The following SH3RF1 variants were observed in gnomAD, a reference collection of about 807,000 sequenced individuals.
SH3RF1 encodes SH3 domain containing ring finger 1.
In SH3RF1, 32 loss-of-function variants were observed where a neutral mutation model predicts 74.0. The ratio of observed to expected loss-of-function variants is 0.43; its 90% CI spans 0.33 to 0.58. SH3RF1 has a LOEUF of 0.58. Among genes scored for constraint, SH3RF1 ranks in the 20% least tolerant of loss-of-function variants. SH3RF1 has a pLI of 0.05. For missense variants in SH3RF1, 954 were observed against 1,130.9 expected, an observed-to-expected ratio of 0.84 and a Z score of 2.24; for synonymous variants, 396 against 439.6, an observed-to-expected ratio of 0.90 and a Z score of 1.24.
At chr4:169,174,002 T>TA (rs760354408) in intron 2 of SH3RF1, among the ~76,000 whole-genome samples, 1 of 150,526 alleles carries the variant, frequency 6.6e-6, no homozygotes, top group African/African-American at 2.4e-5. Flanking sequence ...TCCTGAGTTA[T>TA]ATATATATAT....
intron 2 of SH3RF1, among the ~76,000 whole-genome samples, chr4:169,197,851 A>C (rs550948735): frequency 7.2e-4 from 110 of 152,188 alleles, no homozygotes; most frequent in African/African-American, 2.5e-3. Flanking sequence ...ATCCCTTTAA[A>C]ATACTACTAA....
intron 2 of SH3RF1, among the ~76,000 whole-genome samples, chr4:169,216,367 T>G (rs941785155): frequency 2.0e-5 from 3 of 152,212 alleles, no homozygotes; most frequent in African/African-American, 7.2e-5. Flanking sequence ...TTATTTGTCT[T>G]CATGAGACCT....
At chr4:169,223,660 A>G (rs1456631542) in intron 2 of SH3RF1, among the ~76,000 whole-genome samples, 1 of 152,228 alleles carries the variant, frequency 6.6e-6, no homozygotes, top group African/African-American at 2.4e-5. Context: ...TCAAATATCT[A>G]AAGGAGCTTA....
intron 11 of SH3RF1, among the ~76,000 whole-genome samples, chr4:169,105,746 A>G (rs1053977320): frequency 4.6e-5 from 7 of 152,168 alleles, no homozygotes; most frequent in African/African-American, 1.7e-4. Context: ...ATTAGCTGGG[A>G]ATGGTGGCAC....
At chr4:169,140,819 G>C (rs985960497) in intron 4 of SH3RF1, among the ~76,000 whole-genome samples, 2 of 152,024 alleles carry the variant, frequency 1.3e-5, no homozygotes, top group Admixed American at 6.6e-5. Context: ...TGTAGCTTCT[G>C]AGCACTACAG....
At chr4:169,202,200 T>A (rs896409791) in intron 2 of SH3RF1, among the ~76,000 whole-genome samples, 2 of 152,158 alleles carry the variant, frequency 1.3e-5, no homozygotes, top group African/African-American at 4.8e-5. Flanking sequence ...GCCTACTTCG[T>A]GTTCTTGGTG....
intron 2 of SH3RF1, among the ~76,000 whole-genome samples, chr4:169,261,448 G>A (rs945248301): frequency 2.0e-5 from 3 of 152,172 alleles, no homozygotes; most frequent in Non-Finnish European, 4.4e-5. Context: ...TAAGTCAACT[G>A]CAGGTAAGGG....
intron 2 of SH3RF1, among the ~76,000 whole-genome samples, chr4:169,258,715 T>A (rs13107858): frequency 0.074 from 11,196 of 152,222 alleles, 565 homozygotes; most frequent in South Asian, 0.21. Flanking sequence ...CTGGATAAGG[T>A]GGGCAAATGA....
chr4:169,221,482 T>C (rs1192836183), intron 2 of SH3RF1, among the ~76,000 whole-genome samples: 1 of 152,132 alleles, frequency 6.6e-6, no homozygotes, highest in Non-Finnish European at 1.5e-5. Context: ...AAATAGTGTA[T>C]AACATAAGAT....
intron 2 of SH3RF1, among the ~76,000 whole-genome samples, chr4:169,198,691 A>G (rs1734861532): frequency 6.6e-6 from 1 of 152,172 alleles, no homozygotes; most frequent in South Asian, 2.1e-4. Context: ...GAATAAATAA[A>G]AAGAAATTAC....
chr4:169,106,042 AGT>A (rs1252326475), intron 11 of SH3RF1, among the ~76,000 whole-genome samples: 1 of 151,716 alleles, frequency 6.6e-6, no homozygotes, highest in Admixed American at 6.6e-5. Flanking sequence ...AATTAATGTT[AGT>A]GTGTATATAT....
At chr4:169,179,335 C>T (rs947447278) in intron 2 of SH3RF1, among the ~76,000 whole-genome samples, 5 of 152,166 alleles carry the variant, frequency 3.3e-5, no homozygotes, top group African/African-American at 1.2e-4. Flanking sequence ...AGTAACATAG[C>T]CCTGCCTACA....
At chr4:169,140,226 T>A (rs1733761840) in intron 4 of SH3RF1, among the ~76,000 whole-genome samples, 2 of 152,224 alleles carry the variant, frequency 1.3e-5, no homozygotes, top group Non-Finnish European at 2.9e-5. Context: ...TATAGCAACC[T>A]TTGGTAACAA....
chr4:169,120,001 C>T lies in SH3RF1; in HGVS notation c.1517+818G>A, dbSNP rs548683407. On this transcript the variant is annotated intron_variant, in intron 8 of 11. Transcript: ENST00000284637. ...AATTTTGCATATCTAAAGCTCCTGT[C>T]ACTCTATAACAGGGTTTCTCAACCT... 3.3e-5 allele frequency among the ~76,000 whole-genome samples: 5 copies of T among 152,244 alleles called. No individual in the cohort carries two copies. The East Asian group carries it at 9.6e-4, about 29-fold the overall frequency.
intron 2 of SH3RF1, among the ~76,000 whole-genome samples, chr4:169,169,311 A>T (rs1734289912): frequency 6.6e-6 from 1 of 152,166 alleles, no homozygotes; most frequent in Non-Finnish European, 1.5e-5. Flanking sequence ...AAAAAATAAC[A>T]AGAGACTGGG....
chr4:169,192,494 T>C (rs1206188076), intron 2 of SH3RF1, among the ~76,000 whole-genome samples: 1 of 152,232 alleles, frequency 6.6e-6, no homozygotes, highest in African/African-American at 2.4e-5. Context: ...TAGTAGATGC[T>C]GGCATGGCTG....
At chr4:169,196,890 C>T (rs1276109338) in intron 2 of SH3RF1, among the ~76,000 whole-genome samples, 1 of 151,912 alleles carries the variant, frequency 6.6e-6, no homozygotes, top group African/African-American at 2.4e-5. Context: ...TCCAATAAGA[C>T]ATGTTAATCT....
intron 2 of SH3RF1, among the ~76,000 whole-genome samples, chr4:169,249,923 A>C (rs1451408476): frequency 6.6e-6 from 1 of 152,200 alleles, no homozygotes; most frequent in South Asian, 2.1e-4. Context: ...ACTCAACAGA[A>C]TCGGCCCACA....
At chr4:169,193,708 C>T (rs1445372740) in intron 2 of SH3RF1, among the ~76,000 whole-genome samples, 1 of 152,160 alleles carries the variant, frequency 6.6e-6, no homozygotes, top group East Asian at 1.9e-4. Flanking sequence ...CACCACATAG[C>T]TCTGCCAGTC....
Sources: gnomAD v4.1 joint callset for allele counts (sites outside exome capture counted in the v4.1 genomes callset) on GRCh38, gnomAD v4.1.1 for gene constraint, MANE v1.5 for transcripts, NCBI Gene and HGNC (gene_info 2026-07-23, HGNC 2026-07-21) for gene names.